Variants in SLC29A4 observed in about 807,000 individuals in gnomAD.
The protein encoded by SLC29A4 is equilibrative nucleoside transporter 4.
A neutral mutation model predicts 43.9 loss-of-function variants in SLC29A4; 36 were observed. The observed-to-expected ratio is 0.82, with a 90% confidence interval of 0.63 to 1.08. The LOEUF is 1.08. Ranked by LOEUF, SLC29A4 falls within the 50% of genes least tolerant of loss-of-function variation. The pLI is 0.00. For synonymous variants in SLC29A4, 491 were observed against 338.0 expected (o/e 1.45, Z -4.97); for missense variants, 869 against 755.3 (o/e 1.15, Z -1.77).
chr7:5,290,793 T>C lies in SLC29A4; in HGVS notation c.231T>C (p.Ala77=), dbSNP rs201079705. 1.1e-4 allele frequency: 173 copies of C among 1,613,992 alleles called. No individual in the cohort carries two copies. Among genetic ancestry groups the C allele is most frequent in the Non-Finnish European group, 1.4e-4 (163 of 1,179,992 alleles). ...CCATCTACTTTGCGATGCTGCTGGC[T>C]GGCGTGGGCTTCCTGCTGCCATACA... The part of the protein sequence containing the change: ...YHAIYFAMLL[A]GVGFLLPYNS... Residue 77 remains alanine (A), a synonymous_variant, in exon 3 of 11, where the codon GCT becomes GCC. Transcript: ENST00000396872.
intron 7 of SLC29A4, among the ~76,000 whole-genome samples, chr7:5,297,489 CCT>C (rs1583671628): frequency 6.6e-6 from 1 of 152,244 alleles, no homozygotes; most frequent in East Asian, 1.9e-4. Flanking sequence ...TGGCCCCTGT[CCT>C]TAGTGACACT....
intron 3 of SLC29A4, 47 bp from the exon 4 acceptor site, chr7:5,291,077 A>C: frequency 4.4e-6 from 7 of 1,599,812 alleles, no homozygotes; most frequent in Non-Finnish European, 6.0e-6. Context: ...GAGTCAGTGC[A>C]GGGGGTGGGG....
Position 5,299,241 on chromosome 7 carries a change from C to T in SLC29A4, c.1023C>T (p.Ala341=), listed in dbSNP as rs1434461095. 1.9e-6 allele frequency: 3 copies of T among 1,611,354 alleles called. No individual in the cohort carries two copies. Among genetic ancestry groups the T allele is most frequent in the South Asian group, 1.1e-5 (1 of 90,894 alleles). The change falls in exon 9 of 11, where the codon GCC becomes GCT. Residue 341 remains alanine, a splice_region_variant and synonymous_variant. Transcript: ENST00000396872. ...TGACCCCCGCCCGCCACCCTCCAGC[C>T]CTGTTACTGCACCGCTACGTGGTGG... ...RVQRSWPTFR[A]LLLHRYVVAR...
At chr7:5,292,731 C>G (rs1235183740) in intron 5 of SLC29A4, among the ~76,000 whole-genome samples, 13 of 95,924 alleles carry the variant, frequency 1.4e-4, no homozygotes, top group African/African-American at 5.0e-4. Flanking sequence ...GACAGTCTCA[C>G]TCTGTCGCCC....
Position 5,294,954 on chromosome 7 carries a change from C to T in SLC29A4, c.619+20C>T, listed in dbSNP as rs1785552472. ...GGGAGAGTGAGTATCTGCAGACCCC[C>T]CGGGGAGGGGGTGCTGGGCTGCCCT... On this transcript the variant is annotated intron_variant, in intron 6 of 10. Transcript: ENST00000396872. 1 of 1,593,944 alleles carries T rather than the reference C, an allele frequency of 6.3e-7. No individual in the cohort carries two copies. The highest frequency in any genetic ancestry group is 1.1e-5 in the South Asian group (1 of 87,476).
chr7:5,297,009 G>A lies in SLC29A4; in HGVS notation c.693G>A (p.Thr231=), dbSNP rs546535904. ...KLLLPDERAS[T]LIFFLVSVAL... The stretch of plus-strand genomic sequence containing the variant: ...TGCTGCCCGACGAGCGCGCCAGCAC[G>A]CTCATCTTCTTCCTGGTGTCGGTGG... Residue 231 remains threonine, a synonymous_variant, in exon 7 of 11, where the codon ACG becomes ACA. Transcript: ENST00000396872. 1.2e-6 allele frequency: 2 copies of A among 1,605,258 alleles called. No individual in the cohort carries two copies. Among genetic ancestry groups the A allele is most frequent in the Non-Finnish European group, 1.7e-6 (2 of 1,179,618 alleles).
At chr7:5,287,457 A>G (rs969498225) in intron 1 of SLC29A4, among the ~76,000 whole-genome samples, 2 of 151,856 alleles carry the variant, frequency 1.3e-5, no homozygotes, top group South Asian at 2.1e-4. Context: ...ACCAGGTGAC[A>G]TTGCTTATCT....
intron 6 of SLC29A4, among the ~76,000 whole-genome samples, 184 bp downstream of exon 6, chr7:5,295,118 A>G (rs1394159964): frequency 6.6e-6 from 1 of 151,686 alleles, no homozygotes; most frequent in Non-Finnish European, 1.5e-5. Flanking sequence ...AAAGGGGTGC[A>G]CTCCCACATG....
rs1054269527 is a variant in SLC29A4 at position 5,304,992 on chromosome 7, AT to A, written c.*2057del. 20 of 152,102 alleles carry A rather than the reference AT, an allele frequency of 1.3e-4. No homozygotes were observed. The highest frequency in any genetic ancestry group is 1.2e-3 in the Admixed American group (19 of 15,294). The allele number at this position is 152,102 out of a possible 1,614,324, so 9.4% of individuals were successfully genotyped here. On this transcript the variant is annotated 3_prime_UTR_variant, in exon 11 of 11. Coordinates refer to ENST00000396872, the MANE Select transcript of SLC29A4 (RefSeq NM_153247.4). ...CCACCACGTCTGGCCAGATTCTTTT[AT>A]TTTGTGTAGAGATGGGGTCTTGCTG...
At chr7:5,298,709 A>T (rs1430581771) in intron 7 of SLC29A4, among the ~76,000 whole-genome samples, 1 of 152,148 alleles carries the variant, frequency 6.6e-6, no homozygotes, top group Non-Finnish European at 1.5e-5. Context: ...CTGAGGTGGG[A>T]GGATTGCCTG....
At position 5,302,909 on chromosome 7, in the gene SLC29A4, C is replaced by G; in HGVS notation, c.1563C>G (p.Thr521=). ...DAHGSCLHAS[T]ANGSILAGL ...ACGGCAGCTGCCTGCACGCCTCCAC[C>G]GCCAATGGTTCCATCCTCGCAGGCC... Residue 521 remains threonine, a synonymous_variant, in exon 11 of 11, where the codon ACC becomes ACG. Transcript: ENST00000396872. 6.2e-7 allele frequency: 1 copy of G among 1,608,190 alleles called. No individual in the cohort carries two copies. The highest frequency in any genetic ancestry group is 1.1e-5 in the South Asian group (1 of 90,038).
chr7:5,294,266 A>G (rs1785498926), intron 5 of SLC29A4, among the ~76,000 whole-genome samples: 1 of 152,102 alleles, frequency 6.6e-6, no homozygotes, highest in Non-Finnish European at 1.5e-5. Flanking sequence ...TAGTTAGACA[A>G]AGACTGCCCC....
At chr7:5,298,607 C>A (rs1318838756) in intron 7 of SLC29A4, among the ~76,000 whole-genome samples, 1 of 152,056 alleles carries the variant, frequency 6.6e-6, no homozygotes, top group Non-Finnish European at 1.5e-5. Context: ...GCCTGGGCAA[C>A]ATAGCAAGAC....
At chr7:5,290,937 G>A in intron 3 of SLC29A4, 74 bp downstream of exon 3, 1 of 1,557,972 alleles carries the variant, frequency 6.4e-7, no homozygotes, top group African/African-American at 1.4e-5. Context: ...GAAACCCCCG[G>A]CGGGGAGGGT....
intron 10 of SLC29A4, 95 bp downstream of exon 10, chr7:5,300,757 T>G: frequency 6.7e-7 from 1 of 1,500,422 alleles, no homozygotes; most frequent in Admixed American, 2.4e-5. Context: ...GAAGGTGCAT[T>G]TGGGTTCCGG....
intron 2 of SLC29A4, 141 bp downstream of exon 2, chr7:5,288,126 C>T (rs978081604): frequency 6.2e-6 from 7 of 1,133,568 alleles, no homozygotes; most frequent in Admixed American, 3.1e-5. Flanking sequence ...TGGATTAGAT[C>T]TGCTGCATAA....
Position 5,290,864 on chromosome 7 carries a change from G to A in SLC29A4, c.301+1G>A, listed in dbSNP as rs1785260355. 1.2e-6 allele frequency: 2 copies of A among 1,610,116 alleles called. No individual in the cohort carries two copies. Among genetic ancestry groups the A allele is most frequent in the Non-Finnish European group, 1.7e-6 (2 of 1,177,954 alleles). On this transcript the variant is annotated splice_donor_variant, in intron 3 of 10. Coordinates refer to ENST00000396872, the MANE Select transcript of SLC29A4 (RefSeq NM_153247.4). LOFTEE classifies it high-confidence loss of function. ...GACTACCTGCATCACAAGTACCCAG[G>A]TGGGTCCCTCCACGGTCACGCCCAG...
rs373643037 is a variant in SLC29A4, at chr7:5,291,559, G to C, written c.416-134G>C. 73 of 1,260,264 alleles carry C rather than the reference G, an allele frequency of 5.8e-5. No individual in the cohort carries two copies. The East Asian group carries it at 1.4e-3, about 24-fold the overall frequency. The allele number at this position is 1,260,264 out of a possible 1,614,324, so 78.1% of individuals were successfully genotyped here. On this transcript the variant is annotated intron_variant, in intron 4 of 10. Transcript: ENST00000396872. ...CCCTCCAGGTGCCCCTGTTAGACTC[G>C]TAAAGCATCCCTGGCCCTCCTTAAA...
At chr7:5,302,335 C>G (rs1368791078) in intron 10 of SLC29A4, among the ~76,000 whole-genome samples, 1 of 152,154 alleles carries the variant, frequency 6.6e-6, no homozygotes, top group Non-Finnish European at 1.5e-5. Context: ...AGGACTATCA[C>G]TTGGGACCAG....
Sources: gnomAD v4.1 joint callset for allele counts (sites outside exome capture counted in the v4.1 genomes callset) on GRCh38, gnomAD v4.1.1 for gene constraint, MANE v1.5 for transcripts, NCBI Gene and HGNC (gene_info 2026-07-23, HGNC 2026-07-21) for gene names.